TSPAN5: variants seen among roughly 807,000 people sequenced by gnomAD.
The protein encoded by TSPAN5 is tetraspanin-5.
A neutral mutation model predicts 37.1 loss-of-function variants in TSPAN5; 10 were observed. The observed-to-expected ratio is 0.27, with a 90% CI of 0.17 to 0.46. TSPAN5 has a LOEUF of 0.46. TSPAN5 is among the 20% of genes least tolerant of loss of function. The probability of loss-of-function intolerance (pLI) is 1.00; values close to 1 mark genes in which losing one functional copy is unlikely to be tolerated. For missense variants in TSPAN5, 195 were observed against 326.6 expected (o/e 0.60, Z 3.11); for synonymous variants, 110 against 118.9 (o/e 0.93, Z 0.48).
intron 1 of TSPAN5, among the ~76,000 whole-genome samples, chr4:98,524,391 G>A (rs1753916749): frequency 6.6e-6 from 1 of 152,170 alleles, no homozygotes; most frequent in Admixed American, 6.5e-5. Context: ...GAAGCCCACA[G>A]TTTGCCCTTG....
intron 1 of TSPAN5, among the ~76,000 whole-genome samples, chr4:98,601,314 T>C (rs1019658564): frequency 1.3e-5 from 2 of 152,206 alleles, no homozygotes; most frequent in African/African-American, 4.8e-5. Flanking sequence ...GCTATGAAAG[T>C]CTTGGATGGC....
chr4:98,510,987 T>C (rs1392600092), intron 1 of TSPAN5, among the ~76,000 whole-genome samples: 5 of 152,168 alleles, frequency 3.3e-5, no homozygotes, highest in Non-Finnish European at 7.3e-5. Flanking sequence ...CAGTTTCCCC[T>C]TCCCACCTCC....
intron 1 of TSPAN5, among the ~76,000 whole-genome samples, chr4:98,589,527 T>C (rs775795391): frequency 3.9e-5 from 6 of 152,176 alleles, no homozygotes; most frequent in Non-Finnish European, 8.8e-5. Flanking sequence ...TTGGAGTGAC[T>C]GATGAGGGCA....
intron 1 of TSPAN5, among the ~76,000 whole-genome samples, chr4:98,653,905 T>A (rs2110294588): frequency 6.6e-6 from 1 of 152,332 alleles, no homozygotes; most frequent in South Asian, 2.1e-4. Context: ...TGGCTTCTAA[T>A]TCTTCACCCT....
intron 1 of TSPAN5, among the ~76,000 whole-genome samples, chr4:98,550,465 C>A (rs1754586778): frequency 6.6e-6 from 1 of 152,044 alleles, no homozygotes; most frequent in Non-Finnish European, 1.5e-5. Context: ...CTGTAGATTT[C>A]TCTGGGGAGA....
At chr4:98,582,733 T>C (rs1321174399) in intron 1 of TSPAN5, among the ~76,000 whole-genome samples, 1 of 152,198 alleles carries the variant, frequency 6.6e-6, no homozygotes, top group Non-Finnish European at 1.5e-5. Flanking sequence ...GATGGATTCA[T>C]ACACTAAGTT....
rs558107448 is a variant in TSPAN5, at chr4:98,639,072, G to A, written c.81+19074C>T. On this transcript the variant is annotated intron_variant, in intron 1 of 7. Transcript: ENST00000305798. ...CGAAGAAATGGCCCAGGTAAAGAAC[G>A]TTCTTGGTATACTCAGTAAGACATG... 2.0e-5 allele frequency among the ~76,000 whole-genome samples: 3 copies of A among 152,300 alleles called. No homozygotes were observed. The East Asian group carries it at 5.8e-4, about 29-fold the overall frequency.
intron 1 of TSPAN5, among the ~76,000 whole-genome samples, chr4:98,630,802 C>T (rs1756728191): frequency 6.6e-6 from 1 of 152,218 alleles, no homozygotes; most frequent in Admixed American, 6.5e-5. Flanking sequence ...TGAAGTAAGG[C>T]CTACTGGCTT....
At chr4:98,603,677 C>CA (rs1349210239) in intron 1 of TSPAN5, among the ~76,000 whole-genome samples, 1 of 152,194 alleles carries the variant, frequency 6.6e-6, no homozygotes, top group African/African-American at 2.4e-5. Flanking sequence ...GGAACACACA[C>CA]ACTCAAGTGG....
intron 2 of TSPAN5, among the ~76,000 whole-genome samples, chr4:98,487,465 A>G (rs750074392): frequency 7.9e-5 from 12 of 152,252 alleles, no homozygotes; most frequent in Non-Finnish European, 1.5e-4. Context: ...AGTTAGACAA[A>G]TGCCTATTGC....
intron 1 of TSPAN5, among the ~76,000 whole-genome samples, chr4:98,626,935 C>T (rs1249644569): frequency 2.8e-5 from 4 of 141,168 alleles, no homozygotes; most frequent in Non-Finnish European, 4.5e-5. Flanking sequence ...AAATGTATCC[C>T]ATTTGGCACG....
intron 1 of TSPAN5, among the ~76,000 whole-genome samples, chr4:98,554,409 G>C (rs2077731472): frequency 6.6e-6 from 1 of 152,150 alleles, no homozygotes; most frequent in African/African-American, 2.4e-5. Flanking sequence ...TTCACAGCGT[G>C]AACCATTATG....
intron 1 of TSPAN5, among the ~76,000 whole-genome samples, chr4:98,617,879 T>C (rs1380397722): frequency 6.6e-6 from 1 of 152,240 alleles, no homozygotes; most frequent in African/African-American, 2.4e-5. Context: ...GTTCAAGGTC[T>C]GGCCCATCAT....
chr4:98,549,362 G>C (rs1352380496), intron 1 of TSPAN5, among the ~76,000 whole-genome samples: 2 of 150,590 alleles, frequency 1.3e-5, no homozygotes, highest in Admixed American at 1.3e-4. Flanking sequence ...GAGTGCAGTG[G>C]TGTGATTTCG....
At chr4:98,493,916 A>C (rs186910583) in intron 2 of TSPAN5, among the ~76,000 whole-genome samples, 5 of 152,366 alleles carry the variant, frequency 3.3e-5, no homozygotes, top group Admixed American at 3.3e-4. Context: ...CATTCTGCAA[A>C]TTAGCTTTTG....
intron 1 of TSPAN5, among the ~76,000 whole-genome samples, chr4:98,605,623 G>C (rs1394612154): frequency 1.3e-5 from 2 of 152,098 alleles, no homozygotes; most frequent in African/African-American, 4.8e-5. Flanking sequence ...AAAATACCCA[G>C]TTTATACAGC....
At chr4:98,606,988 T>C (rs186575490) in intron 1 of TSPAN5, among the ~76,000 whole-genome samples, 610 of 150,158 alleles carry the variant, frequency 4.1e-3, no homozygotes, top group Non-Finnish European at 7.1e-3. Flanking sequence ...CTCCCCATAG[T>C]GGGGTGGTGT....
chr4:98,533,945 A>AAAAAAAACAAAAC (rs1754167253), intron 1 of TSPAN5, among the ~76,000 whole-genome samples: 1 of 141,668 alleles, frequency 7.1e-6, no homozygotes, highest in Non-Finnish European at 1.5e-5. Context: ...ATCTTAAAAA[A>AAAAAAAACAAAAC]AAAAAAAAAA....
At chr4:98,589,336 C>T (rs1307406321) in intron 1 of TSPAN5, among the ~76,000 whole-genome samples, 1 of 152,140 alleles carries the variant, frequency 6.6e-6, no homozygotes, top group African/African-American at 2.4e-5. Flanking sequence ...CAATCCTGGT[C>T]TGGAAGCATG....
Sources: gnomAD v4.1 joint callset for allele counts (sites outside exome capture counted in the v4.1 genomes callset) on GRCh38, gnomAD v4.1.1 for gene constraint, MANE v1.5 for transcripts, NCBI Gene and HGNC (gene_info 2026-07-23, HGNC 2026-07-21) for gene names.